Variants in ASTN1 observed in about 807,000 individuals in gnomAD.
The protein encoded by ASTN1 is astrotactin-1.
Under a neutral mutation model 140.7 loss-of-function variants are expected in ASTN1, and 41 were observed. The observed-to-expected ratio is 0.29, with a 90% CI of 0.23 to 0.38. The LOEUF (loss-of-function observed/expected upper bound fraction) is 0.38, where lower values mean the gene tolerates loss of function less well. ASTN1 is among the 10% of genes least tolerant of loss of function. The pLI is 1.00. For missense variants in ASTN1, 1,479 were observed against 1,678.8 expected, an observed-to-expected ratio of 0.88 and a Z score of 2.08; for synonymous variants, 640 against 652.2, an observed-to-expected ratio of 0.98 and a Z score of 0.29.
intron 8 of ASTN1, among the ~76,000 whole-genome samples, chr1:176,966,211 G>A (rs963602395): frequency 1.3e-5 from 2 of 152,136 alleles, no homozygotes; most frequent in African/African-American, 2.4e-5. Flanking sequence ...CAAAAAGTCA[G>A]GAGAATAAAT....
chr1:177,134,240 C>T (rs1558119616), intron 1 of ASTN1, among the ~76,000 whole-genome samples: 2 of 152,210 alleles, frequency 1.3e-5, no homozygotes. Flanking sequence ...TTTCATTTCA[C>T]TGAGTGCCTT....
intron 8 of ASTN1, among the ~76,000 whole-genome samples, chr1:176,978,140 A>G (rs1265614783): frequency 6.6e-6 from 1 of 152,232 alleles, no homozygotes; most frequent in African/African-American, 2.4e-5. Flanking sequence ...GACCAAAGGC[A>G]TGGAGGTGGG....
chr1:176,967,665 A>G (rs1292156191), intron 8 of ASTN1, among the ~76,000 whole-genome samples: 1 of 152,218 alleles, frequency 6.6e-6, no homozygotes, highest in Non-Finnish European at 1.5e-5. Context: ...ACAATTAGCT[A>G]TGCAGAATGA....
intron 1 of ASTN1, among the ~76,000 whole-genome samples, chr1:177,158,864 C>A (rs1683360661): frequency 6.6e-6 from 1 of 150,680 alleles, no homozygotes; most frequent in Non-Finnish European, 1.5e-5. Context: ...TCGAGTCCAG[C>A]CTGGCCAACA....
rs747471104 is a variant in ASTN1 at position 176,876,525 on chromosome 1, G to C, written c.3463+12C>G. 1.2e-5 allele frequency: 19 copies of C among 1,613,666 alleles called. No homozygotes were observed. The highest frequency in any genetic ancestry group is 6.7e-5 in the East Asian group (3 of 44,868). ...TCCCTTCAGAAACACTGCTAACTTC[G>C]ATGTCTCTTACCTTGAGCCTTGACA... is the stretch of plus-strand genomic sequence containing the variant. On this transcript the variant is annotated intron_variant, in intron 21 of 22. Coordinates refer to ENST00000361833, the MANE Select transcript of ASTN1 (RefSeq NM_004319.3).
intron 1 of ASTN1, among the ~76,000 whole-genome samples, chr1:177,086,730 GAAT>G (rs1679488871): frequency 1.3e-5 from 2 of 152,136 alleles, no homozygotes; most frequent in Non-Finnish European, 2.9e-5. Context: ...AAAATTGGCA[GAAT>G]AATGTTTATA....
chr1:176,935,410 G>A (rs1281007041), intron 15 of ASTN1, among the ~76,000 whole-genome samples: 1 of 152,146 alleles, frequency 6.6e-6, no homozygotes, highest in East Asian at 1.9e-4. Context: ...GTTCTTTCTA[G>A]ATGTGCTGCA....
At chr1:176,878,178 GAC>G in intron 20 of ASTN1, among the ~76,000 whole-genome samples, 1 of 152,258 alleles carries the variant, frequency 6.6e-6, no homozygotes, top group East Asian at 1.9e-4. Flanking sequence ...CTAGATTCAG[GAC>G]ACAGCAGGTT....
intron 14 of ASTN1, among the ~76,000 whole-genome samples, chr1:176,939,542 G>T (rs1037629599): frequency 6.6e-6 from 1 of 152,034 alleles, no homozygotes; most frequent in Admixed American, 6.5e-5. Context: ...AAAAAGAAAG[G>T]GGTATTTTAA....
chr1:176,868,759 A>T, intron 22 of ASTN1, 85 bp downstream of exon 22: 1 of 1,386,936 alleles, frequency 7.2e-7, no homozygotes, highest in South Asian at 1.6e-5. Context: ...GGAAATCTCT[A>T]CAACTTCATG....
At chr1:177,037,878 C>A (rs1293150717) in intron 2 of ASTN1, among the ~76,000 whole-genome samples, 2 of 152,112 alleles carry the variant, frequency 1.3e-5, no homozygotes, top group Non-Finnish European at 2.9e-5. Flanking sequence ...ATCAATAAAT[C>A]ATTTCTACTG....
rs112247824 is a variant in ASTN1, at chr1:177,072,607, T to G, written c.284-11342A>C. Among the ~76,000 whole-genome samples, 20 of 152,310 alleles carry G rather than the reference T, an allele frequency of 1.3e-4. No homozygotes were observed. The South Asian group carries it at 2.3e-3, about 17-fold the overall frequency. On this transcript the variant is annotated intron_variant, in intron 1 of 22. Coordinates refer to ENST00000361833, the MANE Select transcript of ASTN1 (RefSeq NM_004319.3). ...GTTGCTCAGCTGAGAATAACATACA[T>G]TGACAGAACAGTTTCTTTATTATTG...
chr1:177,065,959 C>T (rs747835036), intron 1 of ASTN1, among the ~76,000 whole-genome samples: 5 of 152,154 alleles, frequency 3.3e-5, no homozygotes, highest in Non-Finnish European at 5.9e-5. Context: ...AGGTATGGTA[C>T]GAGTAACCTT....
At chr1:176,866,307 A>C (rs1347223073) in intron 22 of ASTN1, among the ~76,000 whole-genome samples, 1 of 152,172 alleles carries the variant, frequency 6.6e-6, no homozygotes, top group East Asian at 1.9e-4. Context: ...TATTTTCTCC[A>C]ACTTCAATGG....
chr1:177,040,796 G>A (rs1406100837), intron 2 of ASTN1, among the ~76,000 whole-genome samples: 1 of 152,228 alleles, frequency 6.6e-6, no homozygotes, highest in Non-Finnish European at 1.5e-5. Flanking sequence ...TTCAATTCCT[G>A]TATGAGACTT....
At chr1:176,954,891 A>C (rs765500057) in intron 11 of ASTN1, among the ~76,000 whole-genome samples, 2 of 152,216 alleles carry the variant, frequency 1.3e-5, no homozygotes, top group Non-Finnish European at 2.9e-5. Context: ...TAGGGCAATT[A>C]ACTGTGTAGC....
intron 8 of ASTN1, among the ~76,000 whole-genome samples, chr1:177,013,795 T>A (rs1675409536): frequency 6.6e-6 from 1 of 152,238 alleles, no homozygotes; most frequent in African/African-American, 2.4e-5. Flanking sequence ...TCGCATTTAT[T>A]GATCCCCTTC....
At chr1:177,005,529 T>G (rs979211884) in intron 8 of ASTN1, among the ~76,000 whole-genome samples, 5 of 152,214 alleles carry the variant, frequency 3.3e-5, no homozygotes, top group African/African-American at 1.2e-4. Flanking sequence ...TGCATGTATA[T>G]GTTTGTCATA....
intron 7 of ASTN1, among the ~76,000 whole-genome samples, chr1:177,017,330 A>G (rs1675599774): frequency 6.6e-6 from 1 of 152,190 alleles, no homozygotes; most frequent in South Asian, 2.1e-4. Context: ...GGGATCTCCA[A>G]AATTTGCCTC....
Sources: gnomAD v4.1 joint callset for allele counts (sites outside exome capture counted in the v4.1 genomes callset) on GRCh38, gnomAD v4.1.1 for gene constraint, MANE v1.5 for transcripts, NCBI Gene and HGNC (gene_info 2026-07-23, HGNC 2026-07-21) for gene names.